PHLPP2: variants seen among roughly 807,000 people sequenced by gnomAD.
The protein encoded by PHLPP2 is PH domain leucine-rich repeat-containing protein phosphatase 2.
PHLPP2 carries 66 observed loss-of-function variants against 124.9 expected under a neutral mutation model. The observed-to-expected ratio is 0.53, with a 90% CI of 0.43 to 0.65. PHLPP2 has a LOEUF of 0.65. PHLPP2 is among the 30% of genes least tolerant of loss of function. The probability of loss-of-function intolerance (pLI) is 0.00; values close to 1 mark genes in which losing one functional copy is unlikely to be tolerated. For missense variants in PHLPP2, 1,685 were observed against 1,600.4 expected (o/e 1.05, Z -0.90); for synonymous variants, 681 against 624.7 (o/e 1.09, Z -1.34).
intron 1 of PHLPP2, chr16:71,715,033 C>T (rs12918681): frequency 1 from 540,688 of 542,018 alleles, 269,681 homozygotes; most frequent in Middle Eastern, 1. Flanking sequence ...CCTCTCTTTT[C>T]CTTGTGTTTT....
At chr16:71,675,639 G>A (rs2145333197) in intron 9 of PHLPP2, among the ~76,000 whole-genome samples, 1 of 152,342 alleles carries the variant, frequency 6.6e-6, no homozygotes, top group South Asian at 2.1e-4. Flanking sequence ...GCAAACCACT[G>A]TGGCTGCATT....
chr16:71,655,264 G>C lies in PHLPP2; in HGVS notation c.2561C>G (p.Ala854Gly), dbSNP rs780729741. ...CCTGTGAGATACCAAGAAGGTGTTA[G>C]CCATGAAAACTGTGTCATTAGTTGA... is the stretch of plus-strand genomic sequence containing the variant. ...QQSTNDTVFM[A>G]NTFLVSHRKL... Residue 854 changes from alanine to glycine, a missense_variant, in exon 17 of 19, where the codon GCT (alanine) becomes GGT (glycine). Transcript: ENST00000568954. 2 of 1,613,116 alleles carry C rather than the reference G, an allele frequency of 1.2e-6. No individual in the cohort carries two copies. Among genetic ancestry groups the C allele is most frequent in the South Asian group, 1.1e-5 (1 of 91,048 alleles).
chr16:71,697,595 TC>T (rs1300967179), intron 3 of PHLPP2, among the ~76,000 whole-genome samples: 1 of 152,158 alleles, frequency 6.6e-6, no homozygotes, highest in African/African-American at 2.4e-5. Context: ...ACGATGTAAT[TC>T]TTTTGCGTCT....
chr16:71,674,383 T>TG (rs35948005), intron 9 of PHLPP2, among the ~76,000 whole-genome samples: 2 of 49,498 alleles, frequency 4.0e-5, no homozygotes, highest in Non-Finnish European at 9.1e-5. Context: ...AGGCCCAGAC[T>TG]TTTTTTTTTT....
At chr16:71,707,967 A>G (rs956601034) in intron 2 of PHLPP2, among the ~76,000 whole-genome samples, 4 of 152,164 alleles carry the variant, frequency 2.6e-5, no homozygotes, top group African/African-American at 7.2e-5. Flanking sequence ...ATAACCATTA[A>G]GAAAAATCGG....
At chr16:71,690,844 C>A (rs755531864) in intron 3 of PHLPP2, 135 bp from the exon 4 acceptor site, 3 of 640,528 alleles carry the variant, frequency 4.7e-6, no homozygotes, top group Non-Finnish European at 8.1e-6. Context: ...ATAGTTAAGA[C>A]AAAATTAGAT....
intron 17 of PHLPP2, among the ~76,000 whole-genome samples, chr16:71,654,719 T>C (rs78299017): frequency 0.012 from 1,838 of 152,350 alleles, 23 homozygotes; most frequent in African/African-American, 0.042. Flanking sequence ...TTTCAACTTA[T>C]GATGTCAGGC....
chr16:71,698,647 A>T (rs2045198334), intron 3 of PHLPP2: 4 of 585,474 alleles, frequency 6.8e-6, no homozygotes, highest in Non-Finnish European at 1.3e-5. Flanking sequence ...GTGGGCAGCC[A>T]TTGTACACTG....
chr16:71,717,368 C>G (rs930502224), intron 1 of PHLPP2, among the ~76,000 whole-genome samples: 1 of 152,128 alleles, frequency 6.6e-6, no homozygotes, highest in African/African-American at 2.4e-5. Context: ...ATTTAGAACT[C>G]AGGAAAACTG....
At chr16:71,652,469 T>C (rs1448255468) in intron 18 of PHLPP2, among the ~76,000 whole-genome samples, 1 of 152,254 alleles carries the variant, frequency 6.6e-6, no homozygotes, top group South Asian at 2.1e-4. Context: ...CTCTTTCTTC[T>C]ATTTGGAATA....
chr16:71,658,148 C>G (rs889233541), intron 15 of PHLPP2, 85 bp downstream of exon 15: 3 of 1,140,230 alleles, frequency 2.6e-6, no homozygotes, highest in African/African-American at 3.1e-5. Context: ...TTTAATTAAT[C>G]AAGATCTCCA....
Position 71,655,246 on chromosome 16 carries a change from G to A in PHLPP2, c.2579C>T (p.Ser860Phe), listed in dbSNP as rs778088962. The A allele has an allele frequency of 4.4e-6, 7 of 1,607,264 alleles. No homozygotes were observed. The East Asian group carries it at 1.6e-4, about 36-fold the overall frequency. Reference protein sequence around the residue: ...TVFMANTFLVSHRKLGMAGQK... With the variant: ...TVFMANTFLVFHRKLGMAGQK... ...TTTCAACCCACCTGCTTACCTGTGAGATACCAAGAAGGTGTTAGCCATGAA... is the reference window on the plus strand; with the variant it reads ...TTTCAACCCACCTGCTTACCTGTGAAATACCAAGAAGGTGTTAGCCATGAA... The change falls in exon 17 of 19, where the codon TCT becomes TTT. Residue 860 changes from serine (S) to phenylalanine (F), a missense_variant. Transcript: ENST00000568954.
In PHLPP2 at chr16:71,649,319, G is replaced by A. The variant is rs190779159; in HGVS notation, c.3543C>T (p.Asn1181=). 5 of 1,613,914 alleles carry A rather than the reference G, an allele frequency of 3.1e-6. No individual in the cohort carries two copies. In the African/African-American group the frequency reaches 5.3e-5, roughly 17 times the overall value. Residue 1181 remains asparagine (N), a synonymous_variant, in exon 19 of 19, where the codon AAC becomes AAT. Transcript: ENST00000568954. ...IHCCRGRDLE[N]SPPLIESSPT... ...GAGAACTCTCTATGAGAGGGGGTGA[G>A]TTCTCCAGATCCCTCCCCCTGCAGC...
In PHLPP2 at chr16:71,664,115, C is replaced by T. The variant is rs746093131; in HGVS notation, c.1785-16G>A. 3 of 1,562,144 alleles carry T rather than the reference C, an allele frequency of 1.9e-6. No individual in the cohort carries two copies. The highest frequency in any genetic ancestry group is 2.6e-6 in the Non-Finnish European group (3 of 1,132,522). On this transcript the variant is annotated splice_polypyrimidine_tract_variant and intron_variant, in intron 12 of 18. Coordinates refer to ENST00000568954, the MANE Select transcript of PHLPP2 (RefSeq NM_015020.3). ...GTATCTGAGACTGACAGAACACACA[C>T]AGATCATCACCTCCTTTAAGTTTAT...
Position 71,661,007 on chromosome 16 carries a change from C to G in PHLPP2, c.1986-2192G>C, listed in dbSNP as rs565064838. Among the ~76,000 whole-genome samples, 212 of 150,950 alleles carry G rather than the reference C, an allele frequency of 1.4e-3. 2 individuals carry two copies. The highest frequency in any genetic ancestry group is 4.9e-3 in the African/African-American group (201 of 41,194). On this transcript the variant is annotated intron_variant, in intron 13 of 18. Coordinates refer to ENST00000568954, the MANE Select transcript of PHLPP2 (RefSeq NM_015020.3). ...AAATATGTTGTTCCTGAATTCCATT[C>G]AGTTTTATTATATATATTCAGATTA...
Position 71,664,064 on chromosome 16 carries a change from T to C in PHLPP2, c.1820A>G (p.Glu607Gly). Residue 607 changes from glutamate to glycine, a missense_variant, in exon 13 of 19, where the codon GAG (glutamate) becomes GGG (glycine). By Grantham distance (98) the Glu-to-Gly change is moderately conservative. Transcript: ENST00000568954. The part of the protein sequence containing the change: ...RYLNASANSL[E>G]SLPSACTGEE... ...TCCAGTGCAGGCGGATGGTAAAGAC[T>C]CCAGACTATTTGCAGATGCATTCAA... is the stretch of plus-strand genomic sequence containing the variant. The C allele has an allele frequency of 6.2e-7, 1 of 1,613,764 alleles. No homozygotes were observed. The highest frequency in any genetic ancestry group is 8.5e-7 in the Non-Finnish European group (1 of 1,179,700).
At chr16:71,701,090 G>A (rs1430781757) in intron 3 of PHLPP2, among the ~76,000 whole-genome samples, 1 of 152,098 alleles carries the variant, frequency 6.6e-6, no homozygotes, top group Non-Finnish European at 1.5e-5. Context: ...GAATCTTCCA[G>A]GCCTACTCAG....
At chr16:71,661,449 C>A (rs1202868807) in intron 13 of PHLPP2, among the ~76,000 whole-genome samples, 2 of 152,080 alleles carry the variant, frequency 1.3e-5, no homozygotes, top group Non-Finnish European at 2.9e-5. Flanking sequence ...CTGCTTTTGA[C>A]CCCTCCAACA....
rs1451064247 is a variant in PHLPP2 at position 71,652,981 on chromosome 16, G to A, written c.2626C>T (p.Leu876Phe). The change falls in exon 18 of 19, where the codon CTC becomes TTC. Residue 876 changes from leucine to phenylalanine, a missense_variant. Transcript: ENST00000568954. ...GTGTCAGGGCGGATGTAGCACAGGA[G>A]AGCGGAGGAGCCCAACTTCTGGCCA... ...MAGQKLGSSA[L>F]LCYIRPDTAD... 5.0e-6 allele frequency: 8 copies of A among 1,613,600 alleles called. No homozygotes were observed. The highest frequency in any genetic ancestry group is 6.8e-6 in the Non-Finnish European group (8 of 1,179,974).
Sources: allele counts gnomAD v4.1 joint callset (sites outside exome capture counted in the v4.1 genomes callset), GRCh38; gene constraint gnomAD v4.1.1; transcripts MANE v1.5; gene names NCBI Gene and HGNC (gene_info 2026-07-23, HGNC 2026-07-21).